Variants in CTSO observed in about 807,000 individuals in gnomAD.
CTSO encodes cathepsin O.
A neutral mutation model predicts 42.4 loss-of-function variants in CTSO; 40 were observed. That is an observed-to-expected ratio of 0.94 (90% confidence interval 0.73 to 1.23). The LOEUF is 1.23. Among genes scored for constraint, CTSO ranks in the 50% most tolerant of loss-of-function variants. CTSO has a pLI of 0.00. For missense variants in CTSO, 441 were observed against 396.0 expected (o/e 1.11, Z -0.96); for synonymous variants, 156 against 146.2 (o/e 1.07, Z -0.48).
chr4:155,926,746 A>G (rs1743135077), intron 7 of CTSO, among the ~76,000 whole-genome samples: 1 of 152,190 alleles, frequency 6.6e-6, no homozygotes, highest in Non-Finnish European at 1.5e-5. Flanking sequence ...GATTTACATT[A>G]TGAAAGCAGG....
At chr4:155,938,726 A>G (rs149342220) in intron 4 of CTSO, among the ~76,000 whole-genome samples, 13 of 152,294 alleles carry the variant, frequency 8.5e-5, no homozygotes, top group African/African-American at 3.1e-4. Context: ...GGAGATCGAG[A>G]TCAGCCTGGC....
intron 1 of CTSO, among the ~76,000 whole-genome samples, chr4:155,945,943 A>T (rs1743537608): frequency 6.6e-6 from 1 of 152,112 alleles, no homozygotes; most frequent in African/African-American, 2.4e-5. Context: ...GCACACACAC[A>T]CATACGCACG....
chr4:155,933,315 G>C (rs1291079792), intron 5 of CTSO, among the ~76,000 whole-genome samples: 1 of 152,100 alleles, frequency 6.6e-6, no homozygotes, highest in South Asian at 2.1e-4. Flanking sequence ...CATGTAAGAA[G>C]TGCCTTTCTC....
At chr4:155,947,801 C>T (rs1425572601) in intron 1 of CTSO, among the ~76,000 whole-genome samples, 1 of 152,122 alleles carries the variant, frequency 6.6e-6, no homozygotes, top group Non-Finnish European at 1.5e-5. Context: ...TCAGTGGGCA[C>T]ATGTTCTCAA....
intron 1 of CTSO, 110 bp from the exon 2 acceptor site, chr4:155,943,374 C>A: frequency 1.7e-6 from 1 of 583,996 alleles, no homozygotes; most frequent in Admixed American, 2.9e-5. Flanking sequence ...AGCTTGATTT[C>A]CTTCAGACTA....
In CTSO at chr4:155,939,429, T is replaced by C. The variant is rs1382609033; in HGVS notation, c.494A>G (p.Tyr165Cys). ...GCCTCCATTGCAGCCATAATTATTA[T>C]ACGAACAGTCAATGACCTGCTGGAC... ...LSVQQVIDCS[Y>C]NNYGCNGGST... Residue 165 changes from tyrosine (Y) to cysteine (C), a missense_variant, in exon 4 of 8, where the codon TAT (tyrosine) becomes TGT (cysteine). By Grantham distance (194) the Tyr-to-Cys change is radical (BLOSUM62 -2). Coordinates refer to ENST00000433477, the MANE Select transcript of CTSO (RefSeq NM_001334.3). The C allele has an allele frequency of 1.2e-6, 2 of 1,614,050 alleles. No individual in the cohort carries two copies. The highest frequency in any genetic ancestry group is 1.7e-6 in the Non-Finnish European group (2 of 1,180,012).
chr4:155,928,265 G>A, intron 7 of CTSO, 71 bp downstream of exon 7: 1 of 1,129,878 alleles, frequency 8.9e-7, no homozygotes, highest in Non-Finnish European at 1.3e-6. Context: ...TGAGTAGATT[G>A]TAACTCTAAA....
At chr4:155,932,062 G>A (rs1030637897) in intron 5 of CTSO, among the ~76,000 whole-genome samples, 6 of 151,880 alleles carry the variant, frequency 4.0e-5, no homozygotes, top group African/African-American at 1.5e-4. Context: ...TACAGTTTTT[G>A]TTTATTTACA....
intron 1 of CTSO, among the ~76,000 whole-genome samples, chr4:155,944,601 T>C (rs1347634788): frequency 1.3e-5 from 2 of 152,140 alleles, no homozygotes; most frequent in Admixed American, 6.5e-5. Context: ...GTGGCAGCCA[T>C]GAGAATGTGC....
intron 1 of CTSO, among the ~76,000 whole-genome samples, chr4:155,951,242 A>C (rs1190088915): frequency 2.0e-5 from 3 of 152,168 alleles, no homozygotes; most frequent in Admixed American, 2.0e-4. Flanking sequence ...ATTTTATTGG[A>C]TCCAATATTG....
At chr4:155,951,649 A>T (rs1743675578) in intron 1 of CTSO, among the ~76,000 whole-genome samples, 1 of 152,222 alleles carries the variant, frequency 6.6e-6, no homozygotes, top group Non-Finnish European at 1.5e-5. Flanking sequence ...CATGAAAGAC[A>T]TTACTAATTA....
At chr4:155,933,405 A>C (rs749753651) in intron 5 of CTSO, among the ~76,000 whole-genome samples, 1 of 152,128 alleles carries the variant, frequency 6.6e-6, no homozygotes, top group Non-Finnish European at 1.5e-5. Flanking sequence ...AGTCTCGGGT[A>C]TGTCTTTATC....
chr4:155,933,411 TTATC>T (rs771583133), intron 5 of CTSO, among the ~76,000 whole-genome samples: 132 of 152,272 alleles, frequency 8.7e-4, no homozygotes, highest in Non-Finnish European at 7.2e-4. Context: ...GGGTATGTCT[TTATC>T]AGCAGCATGA....
At position 155,942,570 on chromosome 4, in the gene CTSO, G is replaced by A. The variant is rs562945332; in HGVS notation, c.245-114C>T. 566 of 373,934 alleles carry A rather than the reference G, an allele frequency of 1.5e-3. 1 individual carries two copies. Among genetic ancestry groups the A allele is most frequent in the Non-Finnish European group, 1.9e-3 (482 of 250,020 alleles). 23.2% of individuals were successfully genotyped at this position (373,934 alleles called of 1,614,324 possible). On this transcript the variant is annotated intron_variant, in intron 2 of 7. Coordinates refer to ENST00000433477, the MANE Select transcript of CTSO (RefSeq NM_001334.3). ...GACAATCAATATTATATTATAGGGA[G>A]ACAACCAATATTATACTAAAAGACA...
intron 5 of CTSO, among the ~76,000 whole-genome samples, chr4:155,935,237 C>T (rs1366172144): frequency 6.6e-6 from 1 of 152,160 alleles, no homozygotes; most frequent in Non-Finnish European, 1.5e-5. Flanking sequence ...GATTCTGAAG[C>T]CTCCTCAGCC....
In CTSO at chr4:155,925,781, T is replaced by C; in HGVS notation, c.*255A>G. On this transcript the variant is annotated 3_prime_UTR_variant, in exon 8 of 8. Transcript: ENST00000433477. Reference sequence around the variant, plus strand: ...GGCCTAAAATATCTCCTAATCTGAATTTCGTCTCAGGACAGGAAACTATTC... The same window carrying C: ...GGCCTAAAATATCTCCTAATCTGAACTTCGTCTCAGGACAGGAAACTATTC... 1 of 430,584 alleles carries C rather than the reference T, an allele frequency of 2.3e-6. No homozygotes were observed. The allele number at this position is 430,584 out of a possible 1,614,324, so 26.7% of individuals were successfully genotyped here.
At chr4:155,927,278 T>C (rs1743145981) in intron 7 of CTSO, among the ~76,000 whole-genome samples, 1 of 152,228 alleles carries the variant, frequency 6.6e-6, no homozygotes, top group African/African-American at 2.4e-5. Flanking sequence ...TTTAAAAAAA[T>C]TGTATATATG....
At chr4:155,940,295 C>T (rs1001724502) in intron 3 of CTSO, among the ~76,000 whole-genome samples, 4 of 150,814 alleles carry the variant, frequency 2.7e-5, no homozygotes, top group Non-Finnish European at 5.9e-5. Flanking sequence ...CGTAGGATCA[C>T]GTAAAAGGAA....
chr4:155,946,972 C>A (rs2110933811), intron 1 of CTSO, among the ~76,000 whole-genome samples: 1 of 152,276 alleles, frequency 6.6e-6, no homozygotes, highest in Admixed American at 6.5e-5. Context: ...TCTCCTGCCT[C>A]AGCCTCCCGA....
Sources: gnomAD v4.1 joint callset for allele counts (sites outside exome capture counted in the v4.1 genomes callset) on GRCh38, gnomAD v4.1.1 for gene constraint, MANE v1.5 for transcripts, NCBI Gene and HGNC (gene_info 2026-07-23, HGNC 2026-07-21) for gene names.